Variants in TOPORS observed in about 807,000 individuals in gnomAD.
The protein encoded by TOPORS is E3 ubiquitin-protein ligase Topors.
A neutral mutation model predicts 81.4 loss-of-function variants in TOPORS; 25 were observed. The ratio of observed to expected loss-of-function variants is 0.31; its 90% CI spans 0.22 to 0.43. The LOEUF is 0.43. Ranked by LOEUF, TOPORS falls within the 20% of genes least tolerant of loss-of-function variation. The pLI is 1.00. For synonymous variants in TOPORS, 473 were observed against 456.6 expected (o/e 1.04, Z -0.46); for missense variants, 1,101 against 1,267.0 (o/e 0.87, Z 1.99).
In TOPORS at chr9:32,543,944, G is replaced by A; in HGVS notation, c.581C>T (p.Ser194Leu). 6.2e-7 allele frequency: 1 copy of A among 1,614,142 alleles called. No individual in the cohort carries two copies. The highest frequency in any genetic ancestry group is 1.1e-5 in the South Asian group (1 of 91,080). ...TCTTCTGTTCACAGGACCACTAGGT[G>A]AATACACAGAAGCATTTCGTTCCCT... ...LTRERNASVY[S>L]PSGPVNRRTT... Residue 194 changes from serine (S) to leucine (L), a missense_variant, in exon 3 of 3, where the codon TCA becomes TTA. Physicochemically the swap from Ser to Leu is moderately radical, Grantham distance 145 (BLOSUM62 -2). Around this residue, in one of 9 missense-constraint regions of TOPORS, gnomAD observed 120 missense variants for 115.4 expected, o/e 1.04. Transcript: ENST00000360538. This position sits in a 1 kb window ranked among gnomAD's most constrained non-coding sequence, Gnocchi z 5.6.
chr9:32,543,418 G>A lies in TOPORS; in HGVS notation c.1107C>T (p.Asp369=), dbSNP rs748984008. ...ARSPFNMAAF[D]QHANYDCPAP... The stretch of plus-strand genomic sequence containing the variant: ...CAGGGCAATCATAATTGGCATGCTG[G>A]TCAAAGGCTGCCATGTTAAAAGGAG... The change falls in exon 3 of 3, where the codon GAC becomes GAT. Residue 369 remains aspartate, a synonymous_variant. Transcript: ENST00000360538. This position sits in a 1 kb window ranked among gnomAD's most constrained non-coding sequence, Gnocchi z 5.6. 6.2e-7 allele frequency: 1 copy of A among 1,613,872 alleles called. No homozygotes were observed. Among genetic ancestry groups the A allele is most frequent in the Non-Finnish European group, 8.5e-7 (1 of 1,179,854 alleles).
intron 2 of TOPORS, among the ~76,000 whole-genome samples, chr9:32,549,169 T>G (rs1821183225): frequency 6.6e-6 from 1 of 152,000 alleles, no homozygotes; most frequent in African/African-American, 2.4e-5. Context: ...TAGCTGGGCG[T>G]AGCGACGGGC....
intron 2 of TOPORS, among the ~76,000 whole-genome samples, chr9:32,547,847 T>C (rs1004009368): frequency 1.2e-4 from 18 of 152,090 alleles, no homozygotes; most frequent in African/African-American, 4.3e-4. Context: ...ATTTTATTTT[T>C]TTGAGACAGA....
chr9:32,552,328 T>G (rs935391541), intron 1 of TOPORS, 106 bp downstream of exon 1: 1 of 1,508,966 alleles, frequency 6.6e-7, no homozygotes, highest in African/African-American at 1.4e-5. Context: ...CGGGCGCTCG[T>G]GCCCGGCTAA....
rs752133665 is a variant in TOPORS, at chr9:32,543,673, T to A, written c.852A>T (p.Glu284Asp). 26 of 1,612,962 alleles carry A rather than the reference T, an allele frequency of 1.6e-5. 1 individual carries two copies. In the South Asian group the frequency reaches 2.6e-4, roughly 16 times the overall value. Reference sequence around the variant, plus strand: ...GGCAAGCTGGATTTCTACGGAAAAATTCAGCTGAAATATCCCTGTAGCGGC... The same window carrying A: ...GGCAAGCTGGATTTCTACGGAAAAAATCAGCTGAAATATCCCTGTAGCGGC... Reference protein sequence around the residue: ...DGGRYRDISAEFFRRNPACLH... With the variant: ...DGGRYRDISADFFRRNPACLH... The change falls in exon 3 of 3, where the codon GAA becomes GAT. Residue 284 changes from glutamate (E) to aspartate (D), a missense_variant. Glu to Asp is a conservative substitution (Grantham distance 45, BLOSUM62 2). Around this residue, in one of 9 missense-constraint regions of TOPORS, gnomAD observed 69 missense variants for 153.6 expected, o/e 0.45. Transcript: ENST00000360538. The surrounding 1 kb of genome is among the most constrained non-coding windows in gnomAD (Gnocchi z 5.6).
At chr9:32,544,923 C>A (rs1359366865) in intron 2 of TOPORS, among the ~76,000 whole-genome samples, 1 of 152,198 alleles carries the variant, frequency 6.6e-6, no homozygotes, top group Non-Finnish European at 1.5e-5. Context: ...ACAATACAGA[C>A]TACTGATTTA....
chr9:32,552,572 A>C lies in TOPORS; in HGVS notation c.-136T>G. The C allele has an allele frequency of 1.8e-6, 2 of 1,123,358 alleles. No homozygotes were observed. The highest frequency in any genetic ancestry group is 2.6e-6 in the Non-Finnish European group (2 of 758,480). The allele number at this position is 1,123,358 out of a possible 1,614,324, so 69.6% of individuals were successfully genotyped here. ...TTCTTCAGCACCCAGAAACTCCAAA[A>C]TCCATTCCTGAATTAAGCATTTCAC... On this transcript the variant is annotated 5_prime_UTR_variant, in exon 1 of 3. Coordinates refer to ENST00000360538, the MANE Select transcript of TOPORS (RefSeq NM_005802.5).
intron 2 of TOPORS, among the ~76,000 whole-genome samples, chr9:32,545,128 C>T (rs1440709006): frequency 6.6e-6 from 1 of 152,188 alleles, no homozygotes; most frequent in African/African-American, 2.4e-5. Context: ...AGCCAAGAGG[C>T]AGTGCCTGGC....
At chr9:32,551,122 C>G (rs1821244771) in intron 1 of TOPORS, 154 bp from the exon 2 acceptor site, 5 of 969,576 alleles carry the variant, frequency 5.2e-6, no homozygotes, top group Admixed American at 2.1e-5. Flanking sequence ...GCTCAGCGCA[C>G]CGGCCCAAAT....
rs796326813 is a variant in TOPORS, at chr9:32,551,100, C to T, written c.4-132G>A. ...GCATGCGCAGCAGATGGACGCCGGCCTCGGGGGCGGGGCTCAGCGCACCGG... is the reference window on the plus strand; with the variant it reads ...GCATGCGCAGCAGATGGACGCCGGCTTCGGGGGCGGGGCTCAGCGCACCGG... On this transcript the variant is annotated intron_variant, in intron 1 of 2. Transcript: ENST00000360538. The T allele has an allele frequency of 6.4e-5, 75 of 1,169,222 alleles. No homozygotes were observed. In the African/African-American group the frequency reaches 7.6e-4, roughly 12 times the overall value. The allele number at this position is 1,169,222 out of a possible 1,614,324, so 72.4% of individuals were successfully genotyped here. A position where few individuals can be genotyped will look rare whatever the true frequency, so the allele number is the denominator to read the frequency against.
At chr9:32,551,812 C>T (rs1000958205) in intron 1 of TOPORS, 7 of 446,548 alleles carry the variant, frequency 1.6e-5, no homozygotes, top group Admixed American at 1.4e-4. Flanking sequence ...TGGCGGGTAA[C>T]GCGTCCCACG....
Position 32,543,204 on chromosome 9 carries a change from T to C in TOPORS, c.1321A>G (p.Thr441Ala), listed in dbSNP as rs575026005. 1 of 1,613,766 alleles carries C rather than the reference T, an allele frequency of 6.2e-7. No homozygotes were observed. The highest frequency in any genetic ancestry group is 1.7e-5 in the Admixed American group (1 of 60,024). ...VHVTMSSLLN[T>A]SDSSDEELVT... is the part of the protein sequence containing the mutation. ...AGTTCTTCATCTGAACTGTCAGAAG[T>C]ATTTAAAAGAGAAGACATAGTAACG... The change falls in exon 3 of 3, where the codon ACT (threonine) becomes GCT (alanine). Residue 441 changes from threonine (T) to alanine (A), a missense_variant. Thr to Ala is a moderately conservative substitution (Grantham distance 58). This residue lies in a region of TOPORS where 103 missense variants were observed against 112.1 expected (regional missense o/e 0.92). Transcript: ENST00000360538. The surrounding 1 kb of genome is among the most constrained non-coding windows in gnomAD (Gnocchi z 5.6).
At position 32,542,700 on chromosome 9, in the gene TOPORS, C is replaced by A. The variant is rs1425310570; in HGVS notation, c.1825G>T (p.Gly609Trp). ...SSDSRSQSRS[G>W]HDQKNHRKHH... ...TTTCTATGATTCTTCTGATCATGCC[C>A]ACTTCTACTCTGAGAACGTGAATCT... The change falls in exon 3 of 3, where the codon GGG (glycine) becomes TGG (tryptophan). Residue 609 changes from glycine (G) to tryptophan (W), a missense_variant. Gly to Trp is a radical substitution (Grantham distance 184, BLOSUM62 -2). Around this residue, in one of 9 missense-constraint regions of TOPORS, gnomAD observed 605 missense variants for 636.1 expected, o/e 0.95. Coordinates refer to ENST00000360538, the MANE Select transcript of TOPORS (RefSeq NM_005802.5). 2 of 1,613,994 alleles carry A rather than the reference C, an allele frequency of 1.2e-6. No homozygotes were observed. The highest frequency in any genetic ancestry group is 2.2e-5 in the South Asian group (2 of 91,068).
intron 1 of TOPORS, 62 bp downstream of exon 1, chr9:32,552,372 G>A (rs1821304521): frequency 6.3e-7 from 1 of 1,597,900 alleles, no homozygotes; most frequent in Non-Finnish European, 8.5e-7. Context: ...GCCACCGCCT[G>A]GGAGGTTACT....
intron 2 of TOPORS, among the ~76,000 whole-genome samples, chr9:32,547,753 T>G (rs1407629736): frequency 6.6e-6 from 1 of 152,204 alleles, no homozygotes; most frequent in Non-Finnish European, 1.5e-5. Context: ...ATTGTGATGG[T>G]TGTACAACTC....
At chr9:32,551,032 C>T (rs1374705068) in intron 1 of TOPORS, 64 bp from the exon 2 acceptor site, 5 of 1,559,570 alleles carry the variant, frequency 3.2e-6, no homozygotes, top group Admixed American at 1.7e-5. Context: ...GAGACCCACC[C>T]CCCAGCTCCC....
chr9:32,542,365 G>A lies in TOPORS; in HGVS notation c.2160C>T (p.Tyr720=), dbSNP rs74328058. Residue 720 remains tyrosine, a synonymous_variant, in exon 3 of 3, where the codon TAC becomes TAT. Transcript: ENST00000360538. The part of the protein sequence containing the change: ...NKDRDGYESS[Y]RRRTLSRAHY... ...GAGCTCTGGACAGAGTCCTCCTCCTGTAAGATGATTCGTACCCATCCCTGT... is the reference window on the plus strand; with the variant it reads ...GAGCTCTGGACAGAGTCCTCCTCCTATAAGATGATTCGTACCCATCCCTGT... The A allele has an allele frequency of 7.8e-3, 12,575 of 1,614,076 alleles. 63 individuals carry two copies. Among genetic ancestry groups the A allele is most frequent in the Non-Finnish European group, 9.1e-3 (10,680 of 1,180,002 alleles).
In TOPORS at chr9:32,543,955, A is replaced by G. The variant is rs763843183; in HGVS notation, c.570T>C (p.Ala190=). Residue 190 remains alanine (A), a synonymous_variant, in exon 3 of 3, where the codon GCT becomes GCC. Coordinates refer to ENST00000360538, the MANE Select transcript of TOPORS (RefSeq NM_005802.5). The surrounding 1 kb of genome is among the most constrained non-coding windows in gnomAD (Gnocchi z 5.6). ...CAGGACCACTAGGTGAATACACAGA[A>G]GCATTTCGTTCCCTTGTCAGAGTTG... ...YRTTLTRERN[A]SVYSPSGPVN... The G allele has an allele frequency of 1.2e-6, 2 of 1,614,172 alleles. No individual in the cohort carries two copies. The highest frequency in any genetic ancestry group is 2.2e-5 in the East Asian group (1 of 44,880).
chr9:32,546,137 T>A lies in TOPORS; in HGVS notation c.199-1811A>T, dbSNP rs140650414. Reference sequence around the variant, plus strand: ...AGTCTTCTATTTACTGGACTGAAAATGCAAAAACATCATCACTGTCCTGGA... The same window carrying A: ...AGTCTTCTATTTACTGGACTGAAAAAGCAAAAACATCATCACTGTCCTGGA... On this transcript the variant is annotated intron_variant, in intron 2 of 2. Transcript: ENST00000360538. Among the ~76,000 whole-genome samples, 53 of 152,238 alleles carry A rather than the reference T, an allele frequency of 3.5e-4. No individual in the cohort carries two copies. The Middle Eastern group carries it at 0.01, about 29-fold the overall frequency.
Sources: gnomAD v4.1 joint callset for allele counts (sites outside exome capture counted in the v4.1 genomes callset) on GRCh38, gnomAD v4.1.1 for gene constraint, gnomAD v4.1.1 regional missense constraint, Gnocchi (gnomAD v3.1) non-coding constraint, MANE v1.5 for transcripts, NCBI Gene and HGNC (gene_info 2026-07-23, HGNC 2026-07-21) for gene names.